TMEFF1: variants seen among roughly 807,000 people sequenced by gnomAD.
The protein encoded by TMEFF1 is tomoregulin-1.
In TMEFF1, 20 loss-of-function variants were observed where a neutral mutation model predicts 47.5. That is an observed-to-expected ratio of 0.42 (90% confidence interval 0.30 to 0.61). The LOEUF is 0.61. Among genes scored for constraint, TMEFF1 ranks in the 20% least tolerant of loss-of-function variants. The pLI, the probability that TMEFF1 is intolerant of heterozygous loss-of-function variation, is 0.19. For missense variants in TMEFF1, 411 were observed against 471.1 expected (o/e 0.87, Z 1.18); for synonymous variants, 162 against 166.3 (o/e 0.97, Z 0.20).
chr9:100,515,462 G>A (rs529964488), intron 4 of TMEFF1, among the ~76,000 whole-genome samples: 1 of 152,220 alleles, frequency 6.6e-6, no homozygotes, highest in South Asian at 2.1e-4. Context: ...TGGCAGATTT[G>A]TGTACCTTTT....
At chr9:100,474,801 C>A (rs1837191480) in intron 1 of TMEFF1, among the ~76,000 whole-genome samples, 1 of 152,122 alleles carries the variant, frequency 6.6e-6, no homozygotes, top group South Asian at 2.1e-4. Context: ...CGCTTGCCCC[C>A]CCACAGCTGT....
intron 2 of TMEFF1, among the ~76,000 whole-genome samples, chr9:100,505,527 TAA>T (rs1412499805): frequency 6.8e-6 from 1 of 146,678 alleles, no homozygotes; most frequent in African/African-American, 2.5e-5. Flanking sequence ...AATATTAGGA[TAA>T]GTTATAACAG....
intron 5 of TMEFF1, among the ~76,000 whole-genome samples, chr9:100,543,704 A>AACAACACAC (rs1554688033): frequency 7.2e-6 from 1 of 138,824 alleles, no homozygotes; most frequent in African/African-American, 2.7e-5. Context: ...GATGAAGTAA[A>AACAACACAC]ACACACACAC....
chr9:100,475,735 G>A (rs1357584009), intron 1 of TMEFF1, among the ~76,000 whole-genome samples: 2 of 151,554 alleles, frequency 1.3e-5, no homozygotes, highest in Non-Finnish European at 2.9e-5. Context: ...GTGTGTGTGT[G>A]TGTGTGTGTG....
intron 9 of TMEFF1, among the ~76,000 whole-genome samples, chr9:100,572,958 T>C (rs1839275922): frequency 6.6e-6 from 1 of 151,448 alleles, no homozygotes; most frequent in Admixed American, 6.6e-5. Flanking sequence ...CACTGTATTC[T>C]GGGAAAATAA....
At chr9:100,477,626 T>A (rs1272168233) in intron 1 of TMEFF1, among the ~76,000 whole-genome samples, 3 of 142,978 alleles carry the variant, frequency 2.1e-5, no homozygotes, top group African/African-American at 7.8e-5. Context: ...CCGCCTTTTT[T>A]TTTTTTTTTT....
At chr9:100,482,066 CGCCCA>C (rs1564261868) in intron 1 of TMEFF1, among the ~76,000 whole-genome samples, 1 of 151,930 alleles carries the variant, frequency 6.6e-6, no homozygotes, top group African/African-American at 2.4e-5. Context: ...TGAGCCACTG[CGCCCA>C]GCCTAGCCTG....
chr9:100,482,801 G>T (rs1031610340), intron 1 of TMEFF1, among the ~76,000 whole-genome samples: 3 of 152,134 alleles, frequency 2.0e-5, no homozygotes, highest in African/African-American at 7.2e-5. Flanking sequence ...TATTTCTCCA[G>T]TGCCTAGGTG....
At chr9:100,511,838 C>T (rs550500204) in intron 3 of TMEFF1, among the ~76,000 whole-genome samples, 100 of 152,180 alleles carry the variant, frequency 6.6e-4, no homozygotes, top group Non-Finnish European at 1.1e-3. Flanking sequence ...GGGACGGAAT[C>T]GTGTAGGTTG....
intron 1 of TMEFF1, among the ~76,000 whole-genome samples, chr9:100,476,656 G>A (rs12685819): frequency 2.0e-5 from 3 of 148,664 alleles, no homozygotes; most frequent in African/African-American, 5.0e-5. Context: ...GCCTCCCAAA[G>A]TGTTGAGATT....
At chr9:100,483,064 T>C (rs975794753) in intron 1 of TMEFF1, among the ~76,000 whole-genome samples, 11 of 152,210 alleles carry the variant, frequency 7.2e-5, no homozygotes, top group Admixed American at 2.0e-4. Context: ...TATGTTTCTT[T>C]AACTCCATTG....
rs201826526 is a variant in TMEFF1, at chr9:100,508,961, T to C, written c.307-44T>C. 1.0e-5 allele frequency: 15 copies of C among 1,504,958 alleles called. No homozygotes were observed. In the East Asian group the frequency reaches 3.4e-4, roughly 34 times the overall value. 93.2% of individuals were successfully genotyped at this position (1,504,958 alleles called of 1,614,324 possible). On this transcript the variant is annotated intron_variant, in intron 2 of 9. Transcript: ENST00000374879. ...TCATGAATGTGAAATAAACTATTAA[T>C]ATTCATGCCTAGTTCTGAGAATTTA...
At chr9:100,521,361 A>C (rs913494788) in intron 5 of TMEFF1, among the ~76,000 whole-genome samples, 4 of 152,098 alleles carry the variant, frequency 2.6e-5, no homozygotes, top group African/African-American at 9.7e-5. Context: ...CTTACCTTTC[A>C]AATTTATACC....
intron 9 of TMEFF1, among the ~76,000 whole-genome samples, chr9:100,575,122 T>C (rs2800282): frequency 0.29 from 44,602 of 152,040 alleles, 7,263 homozygotes; most frequent in Admixed American, 0.4. Flanking sequence ...ATTTATGTAC[T>C]TGGATTTATT....
At chr9:100,542,134 T>C (rs1034130449) in intron 5 of TMEFF1, among the ~76,000 whole-genome samples, 1 of 152,208 alleles carries the variant, frequency 6.6e-6, no homozygotes, top group African/African-American at 2.4e-5. Flanking sequence ...TTTTTTTCTC[T>C]AGTAGTTTTG....
At chr9:100,542,552 A>G (rs575730036) in intron 5 of TMEFF1, among the ~76,000 whole-genome samples, 19 of 152,286 alleles carry the variant, frequency 1.2e-4, no homozygotes, top group South Asian at 4.1e-4. Flanking sequence ...ATTATGTTCT[A>G]CCTTAGCGCA....
intron 1 of TMEFF1, among the ~76,000 whole-genome samples, chr9:100,489,405 G>A (rs1262714972): frequency 1.3e-5 from 2 of 152,126 alleles, no homozygotes; most frequent in Non-Finnish European, 2.9e-5. Context: ...TGCCCAGACT[G>A]ATCTCAAACT....
chr9:100,501,471 A>G (rs1207755400), intron 2 of TMEFF1, among the ~76,000 whole-genome samples: 1 of 151,114 alleles, frequency 6.6e-6, no homozygotes, highest in African/African-American at 2.4e-5. Flanking sequence ...TTTCTGGGGT[A>G]TTTTCTTTTT....
At chr9:100,531,759 A>T (rs1175290787) in intron 5 of TMEFF1, among the ~76,000 whole-genome samples, 1 of 152,318 alleles carries the variant, frequency 6.6e-6, no homozygotes, top group South Asian at 2.1e-4. Context: ...TATGGAACCG[A>T]AAAAGAGCCC....
Sources: gnomAD v4.1 joint callset for allele counts (sites outside exome capture counted in the v4.1 genomes callset) on GRCh38, gnomAD v4.1.1 for gene constraint, MANE v1.5 for transcripts, NCBI Gene and HGNC (gene_info 2026-07-23, HGNC 2026-07-21) for gene names.